ATG7: variants seen among roughly 807,000 people sequenced by gnomAD.
ATG7 encodes the protein autophagy related 7, also known as ubiquitin-like modifier-activating enzyme ATG7.
Under a neutral mutation model 82.4 loss-of-function variants are expected in ATG7, and 70 were observed. The ratio of observed to expected loss-of-function variants is 0.85; its 90% CI spans 0.70 to 1.04. The LOEUF (loss-of-function observed/expected upper bound fraction) is 1.04. Among genes scored for constraint, ATG7 ranks in the 50% least tolerant of loss-of-function variants. The pLI, the probability that ATG7 is intolerant of heterozygous loss-of-function variation, is 0.00. For missense variants in ATG7, 792 were observed against 864.3 expected (o/e 0.92, Z 1.05); for synonymous variants, 287 against 313.0 (o/e 0.92, Z 0.88).
At chr3:11,291,724 G>A (rs1018328403) in intron 3 of ATG7, among the ~76,000 whole-genome samples, 24 of 152,272 alleles carry the variant, frequency 1.6e-4, no homozygotes, top group Non-Finnish European at 2.9e-4. Flanking sequence ...GGTGGTAAAT[G>A]CCCTAATGGA....
At chr3:11,293,840 G>C (rs1483962958) in intron 3 of ATG7, among the ~76,000 whole-genome samples, 1 of 150,952 alleles carries the variant, frequency 6.6e-6, no homozygotes, top group Non-Finnish European at 1.5e-5. Flanking sequence ...AACAGAGCAA[G>C]ACTCCGTATC....
chr3:11,571,173 C>T, the ATG7 span, among the ~76,000 whole-genome samples: 1 of 152,224 alleles, frequency 6.6e-6, no homozygotes, highest in African/African-American at 2.4e-5. Flanking sequence ...CCTGAGGCTC[C>T]TGGCTTCAAT....
chr3:11,429,001 A>G (rs1278391198), intron 20 of ATG7, among the ~76,000 whole-genome samples: 4 of 152,222 alleles, frequency 2.6e-5, no homozygotes, highest in Admixed American at 6.5e-5. Flanking sequence ...AGAAGGGAGC[A>G]TGGTTTCATC....
At chr3:11,491,327 T>A (rs2090331227) in intron 20 of ATG7, among the ~76,000 whole-genome samples, 1 of 152,202 alleles carries the variant, frequency 6.6e-6, no homozygotes. Context: ...CTCCATCAGC[T>A]CCTTTAAGCA....
chr3:11,380,143 A>T, intron 19 of ATG7, 91 bp downstream of exon 19: 1 of 1,217,136 alleles, frequency 8.2e-7, no homozygotes, highest in Non-Finnish European at 1.2e-6. Context: ...CTTGAAACCA[A>T]CTAAGGGCTT....
At chr3:11,477,005 GT>G in intron 20 of ATG7, 3 of 1,001,672 alleles carry the variant, frequency 3.0e-6, no homozygotes, top group Non-Finnish European at 4.1e-6. Flanking sequence ...TTATTACAGT[GT>G]TTTCCGATGG....
At chr3:11,499,102 T>G (rs2091111137) in intron 20 of ATG7, among the ~76,000 whole-genome samples, 1 of 152,240 alleles carries the variant, frequency 6.6e-6, no homozygotes, top group Non-Finnish European at 1.5e-5. Context: ...TCCTAACAAT[T>G]TAGTAGCCAC....
At chr3:11,504,650 G>A (rs1195599437) in intron 20 of ATG7, among the ~76,000 whole-genome samples, 3 of 152,196 alleles carry the variant, frequency 2.0e-5, no homozygotes, top group East Asian at 3.8e-4. Flanking sequence ...ATATTTAGGA[G>A]GTTTAGACAG....
At chr3:11,523,629 A>C (rs1054126117) in intron 20 of ATG7, among the ~76,000 whole-genome samples, 1 of 152,192 alleles carries the variant, frequency 6.6e-6, no homozygotes, top group Non-Finnish European at 1.5e-5. Flanking sequence ...TCTGGGCCTG[A>C]TTTCCTTTGC....
chr3:11,480,164 C>T (rs1015251006), intron 20 of ATG7, among the ~76,000 whole-genome samples: 1 of 152,248 alleles, frequency 6.6e-6, no homozygotes, highest in Admixed American at 6.5e-5. Flanking sequence ...ATCTCCTGAC[C>T]TCGAGATCCA....
chr3:11,516,031 T>TA (rs35770722), intron 20 of ATG7, among the ~76,000 whole-genome samples: 2,125 of 134,944 alleles, frequency 0.016, 21 homozygotes, highest in East Asian at 0.071. Flanking sequence ...CATTCCTTTT[T>TA]AAAAAAAAAA....
At chr3:11,447,115 C>T (rs577300975) in intron 20 of ATG7, among the ~76,000 whole-genome samples, 12 of 152,310 alleles carry the variant, frequency 7.9e-5, no homozygotes, top group African/African-American at 2.9e-4. Flanking sequence ...TTGTAGCCAT[C>T]CATACCCTGG....
At chr3:11,437,657 A>G (rs900176417) in intron 20 of ATG7, among the ~76,000 whole-genome samples, 9 of 152,072 alleles carry the variant, frequency 5.9e-5, no homozygotes, top group Non-Finnish European at 1.3e-4. Context: ...ACATACTCCT[A>G]CCTGGATCCA....
chr3:11,505,009 G>A (rs1258332123), intron 20 of ATG7, among the ~76,000 whole-genome samples: 1 of 152,112 alleles, frequency 6.6e-6, no homozygotes, highest in Non-Finnish European at 1.5e-5. Context: ...TGAAAAGATC[G>A]AGAAGTCAAG....
At chr3:11,293,179 A>G (rs1945244426) in intron 3 of ATG7, among the ~76,000 whole-genome samples, 1 of 151,800 alleles carries the variant, frequency 6.6e-6, no homozygotes. Context: ...TTTAGAGGTT[A>G]GAGCTAGAAG....
chr3:11,486,824 T>TG (rs1309220266), intron 20 of ATG7, among the ~76,000 whole-genome samples: 7 of 130,886 alleles, frequency 5.3e-5, no homozygotes, highest in Non-Finnish European at 7.7e-5. Flanking sequence ...GGTTCTGTTT[T>TG]TTTTTTTTTT....
rs183988390 is a variant in ATG7 at position 11,522,444 on chromosome 3, C to T, written c.2080-32367C>T. 3.3e-5 allele frequency among the ~76,000 whole-genome samples: 5 copies of T among 151,686 alleles called. No individual in the cohort carries two copies. The East Asian group carries it at 7.8e-4, about 24-fold the overall frequency. On this transcript the variant is annotated intron_variant, in intron 20 of 20. Coordinates refer to ENST00000693202, the MANE Select transcript of ATG7 (RefSeq NM_001349232.2). ...CTTGCTAGGGGACACTGGGGAATTC[C>T]GGAATAAGCTCACGATTTATTAGTG...
At chr3:11,405,441 A>C (rs2080237752) in intron 19 of ATG7, among the ~76,000 whole-genome samples, 1 of 152,156 alleles carries the variant, frequency 6.6e-6, no homozygotes, top group Non-Finnish European at 1.5e-5. Context: ...TTTTTCTTGA[A>C]TACACAGCCC....
chr3:11,337,223 G>C (rs1189418095), intron 11 of ATG7, among the ~76,000 whole-genome samples: 1 of 152,152 alleles, frequency 6.6e-6, no homozygotes, highest in Non-Finnish European at 1.5e-5. Context: ...GGGAGGCCAA[G>C]GCAGGCGGAT....
Sources: allele counts gnomAD v4.1 joint callset (sites outside exome capture counted in the v4.1 genomes callset), GRCh38; gene constraint gnomAD v4.1.1; transcripts MANE v1.5; gene names NCBI Gene and HGNC (gene_info 2026-07-23, HGNC 2026-07-21).